The following MBD5 variants were observed in gnomAD, a reference collection of about 807,000 sequenced individuals.
The protein encoded by MBD5 is methyl-CpG binding domain protein 5.
A neutral mutation model predicts 117.3 loss-of-function variants in MBD5; 13 were observed. The ratio of observed to expected loss-of-function variants is 0.11; its 90% CI spans 0.07 to 0.18. MBD5 has a LOEUF of 0.18. MBD5 is among the 10% of genes least tolerant of loss of function. MBD5 has a pLI of 1.00. For synonymous variants in MBD5, 727 were observed against 766.4 expected, an observed-to-expected ratio of 0.95 and a Z score of 0.85; for missense variants, 1,879 against 2,093.8, an observed-to-expected ratio of 0.90 and a Z score of 2.00.
intron 4 of MBD5, among the ~76,000 whole-genome samples, chr2:148,383,766 T>C (rs1171761239): frequency 1.3e-5 from 2 of 152,188 alleles, no homozygotes; most frequent in Admixed American, 6.5e-5. Context: ...TCCACCATGA[T>C]GAAGTGGGCT....
At chr2:148,161,631 A>G (rs1387154900) in intron 1 of MBD5, among the ~76,000 whole-genome samples, 2 of 152,138 alleles carry the variant, frequency 1.3e-5, no homozygotes, top group African/African-American at 2.4e-5. Flanking sequence ...ATTTGGGACA[A>G]TGTTTCACAT....
chr2:148,130,273 T>A (rs1461465842), intron 1 of MBD5, among the ~76,000 whole-genome samples: 1 of 152,176 alleles, frequency 6.6e-6, no homozygotes, highest in African/African-American at 2.4e-5. Flanking sequence ...CAATTTTTCT[T>A]ACATAGCAGA....
At chr2:148,096,030 A>C (rs1696061126) in intron 1 of MBD5, among the ~76,000 whole-genome samples, 1 of 152,196 alleles carries the variant, frequency 6.6e-6, no homozygotes. Flanking sequence ...TAATATTTAC[A>C]TTTTTCCACT....
chr2:148,357,206 C>T (rs987983276), intron 4 of MBD5, among the ~76,000 whole-genome samples: 4 of 152,110 alleles, frequency 2.6e-5, no homozygotes, highest in Admixed American at 1.3e-4. Context: ...TACCACTTTC[C>T]TAACTGTTTT....
intron 1 of MBD5, among the ~76,000 whole-genome samples, chr2:148,135,972 T>TA (rs1323173076): frequency 6.6e-6 from 1 of 152,170 alleles, no homozygotes; most frequent in Non-Finnish European, 1.5e-5. Context: ...CCAGCAGCCC[T>TA]AGCAGGGAAC....
At chr2:148,506,300 T>C (rs1682030231) in intron 12 of MBD5, among the ~76,000 whole-genome samples, 1 of 152,248 alleles carries the variant, frequency 6.6e-6, no homozygotes, top group Non-Finnish European at 1.5e-5. Flanking sequence ...GTTATAGTTT[T>C]CATTTAAGCG....
At chr2:148,129,654 A>C (rs1480428010) in intron 1 of MBD5, among the ~76,000 whole-genome samples, 1 of 152,192 alleles carries the variant, frequency 6.6e-6, no homozygotes, top group African/African-American at 2.4e-5. Context: ...TATTGGTAGT[A>C]AGTTTTAAGA....
At chr2:148,407,265 T>C (rs1308333006) in intron 4 of MBD5, among the ~76,000 whole-genome samples, 1 of 152,174 alleles carries the variant, frequency 6.6e-6, no homozygotes, top group Admixed American at 6.6e-5. Context: ...TTTAGTTGTT[T>C]ATGACAAATT....
At position 148,060,132 on chromosome 2, in the gene MBD5, C is replaced by CAAAAAAAAAAAAA. The variant is rs35925701; in HGVS notation, c.-925+38466_-925+38478dup. Among the ~76,000 whole-genome samples, 64 of 14,046 alleles carry CAAAAAAAAAAAAA rather than the reference C, an allele frequency of 4.6e-3. 23 individuals are homozygous for CAAAAAAAAAAAAA. The highest frequency in any genetic ancestry group is 5.5e-3 in the African/African-American group (16 of 2,884). 9.2% of individuals were successfully genotyped at this position (14,046 alleles called of 152,430 possible). A position where few individuals can be genotyped will look rare whatever the true frequency, so the allele number is the denominator to read the frequency against. ...TGAAACCCTGTCTCTACAAAAAGTGCAAAAAAAAAAAAAAAAAAAAAAAAA... is the reference window on the plus strand; with the variant it reads ...TGAAACCCTGTCTCTACAAAAAGTGCAAAAAAAAAAAAAAAAAAAAAAAAAAAAAAAAAAAAAA... On this transcript the variant is annotated intron_variant, in intron 1 of 13. Transcript: ENST00000642680.
intron 3 of MBD5, among the ~76,000 whole-genome samples, chr2:148,238,140 T>C (rs530560793): frequency 6.6e-6 from 1 of 152,362 alleles, no homozygotes; most frequent in South Asian, 2.1e-4. Context: ...ATTCTATTTA[T>C]GCCAAACTTG....
intron 4 of MBD5, among the ~76,000 whole-genome samples, chr2:148,424,206 A>AAC (rs1705705731): frequency 4.1e-5 from 6 of 145,586 alleles, no homozygotes; most frequent in African/African-American, 1.5e-4. Context: ...AAAAAAAAAA[A>AAC]AAAAAAAAAA....
At chr2:148,270,462 C>T (rs1700958653) in intron 3 of MBD5, among the ~76,000 whole-genome samples, 1 of 150,568 alleles carries the variant, frequency 6.6e-6, no homozygotes, top group African/African-American at 2.4e-5. Context: ...CATCTCGGCT[C>T]ACTGCAACAT....
intron 1 of MBD5, among the ~76,000 whole-genome samples, chr2:148,134,425 T>G (rs1175338613): frequency 6.6e-6 from 1 of 152,188 alleles, no homozygotes. Flanking sequence ...AATATTAAAG[T>G]GGATTATATT....
intron 3 of MBD5, among the ~76,000 whole-genome samples, chr2:148,234,907 A>G (rs1384898641): frequency 6.6e-6 from 1 of 152,170 alleles, no homozygotes; most frequent in African/African-American, 2.4e-5. Flanking sequence ...ACTACTAAAA[A>G]TTGATCATTG....
At chr2:148,152,636 A>T (rs144501594) in intron 1 of MBD5, among the ~76,000 whole-genome samples, 1,871 of 152,266 alleles carry the variant, frequency 0.012, 45 homozygotes, top group African/African-American at 0.043. Flanking sequence ...TATTCGTTGC[A>T]TATATATTTA....
intron 4 of MBD5, among the ~76,000 whole-genome samples, chr2:148,442,303 G>A (rs1263528461): frequency 6.6e-6 from 1 of 151,144 alleles, no homozygotes; most frequent in African/African-American, 2.5e-5. Flanking sequence ...AATATTTTTG[G>A]TTCCAGTATG....
At chr2:148,123,184 CTG>C (rs146630761) in intron 1 of MBD5, among the ~76,000 whole-genome samples, 41 of 152,274 alleles carry the variant, frequency 2.7e-4, no homozygotes, top group African/African-American at 9.6e-4. Context: ...TTATTAAAAA[CTG>C]AAGAGTTTGA....
intron 4 of MBD5, among the ~76,000 whole-genome samples, chr2:148,409,435 G>A (rs1705187055): frequency 1.3e-5 from 2 of 151,132 alleles, no homozygotes; most frequent in Non-Finnish European, 3.0e-5. Context: ...GAGAGAGAAA[G>A]GAAAAGGGAA....
At chr2:148,160,946 G>A (rs1281330926) in intron 1 of MBD5, among the ~76,000 whole-genome samples, 1 of 152,096 alleles carries the variant, frequency 6.6e-6, no homozygotes, top group East Asian at 1.9e-4. Flanking sequence ...GCACGTAGTA[G>A]GAGTTCAAAA....
Sources: allele counts gnomAD v4.1 joint callset (sites outside exome capture counted in the v4.1 genomes callset), GRCh38; gene constraint gnomAD v4.1.1; transcripts MANE v1.5; gene names NCBI Gene and HGNC (gene_info 2026-07-23, HGNC 2026-07-21).